Variants in CDYL observed in about 807,000 individuals in gnomAD.
The protein encoded by CDYL is chromodomain Y like.
CDYL carries 8 observed loss-of-function variants against 47.3 expected under a neutral mutation model. The ratio of observed to expected loss-of-function variants is 0.17; its 90% CI spans 0.10 to 0.31. The LOEUF (loss-of-function observed/expected upper bound fraction) is 0.31, where lower values mean the gene tolerates loss of function less well. Ranked by LOEUF, CDYL falls within the 10% of genes least tolerant of loss-of-function variation. The pLI is 1.00. For synonymous variants in CDYL, 266 were observed against 265.0 expected (o/e 1.00, Z -0.04); for missense variants, 471 against 701.4 (o/e 0.67, Z 3.71).
chr6:4,796,904 C>A (rs1271436599), intron 1 of CDYL, among the ~76,000 whole-genome samples: 1 of 152,008 alleles, frequency 6.6e-6, no homozygotes, highest in African/African-American at 2.4e-5. Context: ...AGTGTTAGCA[C>A]CTTGTTGGTA....
intron 2 of CDYL, among the ~76,000 whole-genome samples, chr6:4,730,102 G>A (rs147762963): frequency 1.3e-5 from 2 of 152,264 alleles, no homozygotes; most frequent in East Asian, 3.9e-4. Context: ...GATAAAGGTG[G>A]GTTCTGGGTG....
At chr6:4,903,913 T>C (rs1757146452) in intron 2 of CDYL, among the ~76,000 whole-genome samples, 1 of 152,220 alleles carries the variant, frequency 6.6e-6, no homozygotes, top group African/African-American at 2.4e-5. Flanking sequence ...GCTCCATGCC[T>C]CTTCATAGGC....
intron 2 of CDYL, among the ~76,000 whole-genome samples, chr6:4,911,179 C>T (rs1248047543): frequency 3.3e-5 from 5 of 152,184 alleles, no homozygotes; most frequent in African/African-American, 1.2e-4. Flanking sequence ...ATATAGTGTT[C>T]TGTTTTTAAA....
chr6:4,776,194 CCGCTCCTCCCCTTCCTGCCGGCT>C (rs1758440333), upstream of CDYL, among the ~76,000 whole-genome samples: 1 of 142,710 alleles, frequency 7.0e-6, no homozygotes, highest in African/African-American at 2.5e-5. Flanking sequence ...CCCGACTGCC[CCGCTCCTCCCCTTCCTGCCGGCT>C]CGCTCCCGGC....
At chr6:4,732,160 T>C (rs893601761) in intron 2 of CDYL, among the ~76,000 whole-genome samples, 3 of 151,078 alleles carry the variant, frequency 2.0e-5, no homozygotes, top group African/African-American at 7.3e-5. Context: ...CATAGCAAGA[T>C]CCTGTCTCTA....
intron 1 of CDYL, among the ~76,000 whole-genome samples, chr6:4,890,835 G>T (rs1285813027): frequency 2.0e-5 from 3 of 152,230 alleles, no homozygotes; most frequent in Non-Finnish European, 4.4e-5. Flanking sequence ...CTGCCCCCAG[G>T]ATGCAAGCTG....
chr6:4,726,403 G>A (rs1307526678), intron 2 of CDYL, among the ~76,000 whole-genome samples: 2 of 151,940 alleles, frequency 1.3e-5, no homozygotes, highest in Admixed American at 6.6e-5. Flanking sequence ...GGCGTGGTAC[G>A]CACCTGTAAT....
chr6:4,895,143 GTATC>G (rs67368710), intron 2 of CDYL, among the ~76,000 whole-genome samples: 30,969 of 53,660 alleles, frequency 0.58, 12,227 homozygotes, highest in East Asian at 0.86. Flanking sequence ...GTGTGTATAT[GTATC>G]TATACACATA....
chr6:4,905,248 G>C (rs184614883), intron 2 of CDYL, among the ~76,000 whole-genome samples: 2 of 152,096 alleles, frequency 1.3e-5, no homozygotes, highest in African/African-American at 2.4e-5. Flanking sequence ...GCCTGAATAG[G>C]AATGTTAAAC....
intron 2 of CDYL, among the ~76,000 whole-genome samples, chr6:4,895,661 G>A (rs1177782118): frequency 6.6e-6 from 1 of 151,948 alleles, no homozygotes; most frequent in Admixed American, 6.6e-5. Context: ...AGTTTTGGTT[G>A]GAGACCACCT....
chr6:4,759,707 C>A (rs115049042), intron 3 of CDYL, among the ~76,000 whole-genome samples: 1 of 150,798 alleles, frequency 6.6e-6, no homozygotes, highest in African/African-American at 2.4e-5. Context: ...GGTGAATCCT[C>A]GTCTCTACTT....
At chr6:4,734,614 G>C in intron 2 of CDYL, 3 of 1,105,996 alleles carry the variant, frequency 2.7e-6, no homozygotes, top group Non-Finnish European at 3.8e-6. Context: ...GAAAAGGAGA[G>C]ACCAGTTTCT....
At chr6:4,830,221 C>A (rs1190280005) in intron 1 of CDYL, among the ~76,000 whole-genome samples, 1 of 152,234 alleles carries the variant, frequency 6.6e-6, no homozygotes, top group East Asian at 1.9e-4. Context: ...CCCATTTAAA[C>A]AATTGGCGCT....
chr6:4,889,874 G>A, intron 1 of CDYL: 1 of 687,248 alleles, frequency 1.5e-6, no homozygotes, highest in Non-Finnish European at 1.8e-6. Context: ...TAGCTGCGGA[G>A]GCTACTGTTG....
chr6:4,820,108 A>G (rs182226101), intron 1 of CDYL, among the ~76,000 whole-genome samples: 83 of 152,258 alleles, frequency 5.5e-4, no homozygotes, highest in African/African-American at 1.9e-3. Context: ...GATTCATCCT[A>G]TGGCCACACA....
intron 1 of CDYL, among the ~76,000 whole-genome samples, chr6:4,713,789 T>C (rs954137748): frequency 6.6e-6 from 1 of 152,142 alleles, no homozygotes; most frequent in Non-Finnish European, 1.5e-5. Context: ...AGTTTCACCA[T>C]TTTGGCCAGG....
intron 1 of CDYL, among the ~76,000 whole-genome samples, chr6:4,857,751 G>A (rs185122605): frequency 5.9e-5 from 9 of 152,254 alleles, no homozygotes; most frequent in East Asian, 1.9e-4. Context: ...CTTGCCATGC[G>A]CTTCTCAGAA....
At chr6:4,742,075 GA>G (rs1342642884) in intron 3 of CDYL, among the ~76,000 whole-genome samples, 2 of 152,164 alleles carry the variant, frequency 1.3e-5, no homozygotes, top group African/African-American at 4.8e-5. Flanking sequence ...GAAAAGCAGG[GA>G]AAGGCTGGGT....
chr6:4,753,609 T>C (rs1239128553), intron 3 of CDYL, among the ~76,000 whole-genome samples: 1 of 152,192 alleles, frequency 6.6e-6, no homozygotes, highest in Non-Finnish European at 1.5e-5. Flanking sequence ...CTGGTAGTAG[T>C]AACTTGACTG....
Sources: allele counts gnomAD v4.1 joint callset (sites outside exome capture counted in the v4.1 genomes callset), GRCh38; gene constraint gnomAD v4.1.1; transcripts MANE v1.5; gene names NCBI Gene and HGNC (gene_info 2026-07-23, HGNC 2026-07-21).